The following ABR variants were observed in gnomAD, a reference collection of about 807,000 sequenced individuals.
The protein encoded by ABR is active breakpoint cluster region-related protein.
Under a neutral mutation model 107.2 loss-of-function variants are expected in ABR, and 35 were observed. The observed-to-expected ratio is 0.33, with a 90% CI of 0.25 to 0.43. ABR has a LOEUF of 0.43. ABR is among the 20% of genes least tolerant of loss of function. The probability of loss-of-function intolerance (pLI) is 1.00; values close to 1 mark genes in which losing one functional copy is unlikely to be tolerated. For synonymous variants in ABR, 498 were observed against 462.0 expected (o/e 1.08, Z -1.00); for missense variants, 815 against 1,115.2 (o/e 0.73, Z 3.83).
intron 11 of ABR, 91 bp from the exon 12 acceptor site, chr17:1,058,136 C>CTTTT (rs71148422): frequency 0.024 from 7,582 of 315,634 alleles, 132 homozygotes; most frequent in Non-Finnish European, 0.029. Flanking sequence ...CTCCTTTTAT[C>CTTTT]TTTTTTTTTT....
chr17:1,100,667 G>A lies in ABR; in HGVS notation c.315C>T (p.Ile105=). The A allele has an allele frequency of 2.5e-6, 4 of 1,614,172 alleles. No individual in the cohort carries two copies. The highest frequency in any genetic ancestry group is 3.4e-6 in the Non-Finnish European group (4 of 1,180,026). ...ACAGGGCTTCCAGCTGGTTAATGTA[G>A]ATCTCTTCGCTGGCCAAGAACCCCG... ...VLSGFLASEE[I]YINQLEALLL... is the part of the protein sequence containing the mutation. The change falls in exon 3 of 23, where the codon ATC becomes ATT. Residue 105 remains isoleucine, a synonymous_variant. Transcript: ENST00000302538.
upstream of ABR, among the ~76,000 whole-genome samples, chr17:1,180,217 G>T (rs980777092): frequency 2.0e-5 from 3 of 152,012 alleles, no homozygotes. Context: ...GGTCCCCCTC[G>T]TCCCCCCCGC....
chr17:1,166,765 C>T lies in ABR; in HGVS notation c.61+12902G>A, dbSNP rs191766292. Among the ~76,000 whole-genome samples the T allele has an allele frequency of 3.2e-4, 49 of 152,236 alleles. 1 individual carries two copies. The highest frequency in any genetic ancestry group is 9.6e-4 in the African/African-American group (40 of 41,550). On this transcript the variant is annotated intron_variant, in intron 1 of 22. Coordinates refer to ENST00000302538, the MANE Select transcript of ABR (RefSeq NM_021962.5). ...CTGTAATCCCAGCACTTTGGGAGGCCGAGGCGGGCGGATCACCTGAGGTCA... is the reference window on the plus strand; with the variant it reads ...CTGTAATCCCAGCACTTTGGGAGGCTGAGGCGGGCGGATCACCTGAGGTCA...
In ABR at chr17:1,010,300, C is replaced by A; in HGVS notation, c.2236+429G>T. The stretch of plus-strand genomic sequence containing the variant: ...AGGCGGAAGGCCTGCTGGCCGGGGC[C>A]CTCCGCAGAGGTGACGGGACGGTGT... On this transcript the variant is annotated intron_variant, in intron 20 of 22. Transcript: ENST00000302538. This position sits in a 1 kb window ranked among gnomAD's most constrained non-coding sequence, Gnocchi z 4.1. 4.4e-6 allele frequency: 1 copy of A among 227,684 alleles called. No homozygotes were observed. The highest frequency in any genetic ancestry group is 7.5e-5 in the South Asian group (1 of 13,302). The allele number at this position is 227,684 out of a possible 1,614,324, so 14.1% of individuals were successfully genotyped here.
intron 16 of ABR, among the ~76,000 whole-genome samples, chr17:1,049,791 G>A (rs566299749): frequency 8.5e-5 from 13 of 152,296 alleles, no homozygotes; most frequent in African/African-American, 2.6e-4. Flanking sequence ...TAAAGCTGGC[G>A]TGTGAAAACA....
chr17:1,228,027 T>C (rs1054806706), intron 1 of ABR: 5 of 152,120 alleles, frequency 3.3e-5, no homozygotes, highest in Non-Finnish European at 1.5e-5. Context: ...CCGGTGAAGG[T>C]CTCAGCTCAC....
chr17:1,160,344 C>CA (rs139759880), intron 1 of ABR, among the ~76,000 whole-genome samples: 2,388 of 152,058 alleles, frequency 0.016, 66 homozygotes, highest in African/African-American at 0.054. Flanking sequence ...GCCAGGCACT[C>CA]ACACATTATT....
chr17:1,044,428 T>C (rs936015565), intron 16 of ABR, among the ~76,000 whole-genome samples: 1 of 152,106 alleles, frequency 6.6e-6, no homozygotes, highest in South Asian at 2.1e-4. Context: ...GGTGGACAGA[T>C]CACCTGAGCT....
chr17:1,070,171 G>A lies in ABR; in HGVS notation c.895-81C>T. ...GAGCCTGCACACGGGGGCACGGCCA[G>A]CCAGGGAGGACTGGACCGAGAGGCG... is the stretch of plus-strand genomic sequence containing the variant. On this transcript the variant is annotated intron_variant, in intron 8 of 22. Coordinates refer to ENST00000302538, the MANE Select transcript of ABR (RefSeq NM_021962.5). The surrounding 1 kb of genome is among the most constrained non-coding windows in gnomAD (Gnocchi z 4.2). 1.9e-6 allele frequency: 3 copies of A among 1,572,630 alleles called. No individual in the cohort carries two copies. Among genetic ancestry groups the A allele is most frequent in the Non-Finnish European group, 2.6e-6 (3 of 1,153,710 alleles).
intron 1 of ABR, among the ~76,000 whole-genome samples, chr17:1,171,756 A>C (rs2041719360): frequency 6.6e-6 from 1 of 152,100 alleles, no homozygotes; most frequent in African/African-American, 2.4e-5. Flanking sequence ...ACATGGAGAA[A>C]TCCCTTCTCT....
At chr17:1,170,338 G>T (rs2041661498) in intron 1 of ABR, among the ~76,000 whole-genome samples, 1 of 152,214 alleles carries the variant, frequency 6.6e-6, no homozygotes, top group Admixed American at 6.5e-5. Context: ...AAGGGTAAGA[G>T]TGCGGGAGAA....
chr17:1,190,715 TTCTAGG>T (rs1362051896), upstream of ABR, among the ~76,000 whole-genome samples: 1 of 152,064 alleles, frequency 6.6e-6, no homozygotes, highest in Non-Finnish European at 1.5e-5. Flanking sequence ...AGAAAGCAGT[TTCTAGG>T]TGGGTGCCCG....
At position 1,150,497 on chromosome 17, in the gene ABR, G is replaced by A. The variant is rs1169483356; in HGVS notation, c.62-25130C>T. On this transcript the variant is annotated intron_variant, in intron 1 of 22. Coordinates refer to ENST00000302538, the MANE Select transcript of ABR (RefSeq NM_021962.5). This position sits in a 1 kb window ranked among gnomAD's most constrained non-coding sequence, Gnocchi z 4.8. ...CCAGGAGCTGCAAGCAGCGGCACAC[G>A]TGTGGGCAATACACAGGTTGCCCAA... 2.0e-5 allele frequency among the ~76,000 whole-genome samples: 3 copies of A among 152,154 alleles called. No homozygotes were observed. The highest frequency in any genetic ancestry group is 7.2e-5 in the African/African-American group (3 of 41,436).
chr17:1,049,260 T>C (rs974375697), intron 16 of ABR, among the ~76,000 whole-genome samples: 2 of 152,076 alleles, frequency 1.3e-5, no homozygotes, highest in South Asian at 2.1e-4. Flanking sequence ...CTCTACCTCC[T>C]GGGTTCAAGC....
At chr17:1,022,910 G>A (rs1208917456) in intron 16 of ABR, among the ~76,000 whole-genome samples, 1 of 152,274 alleles carries the variant, frequency 6.6e-6, no homozygotes, top group Non-Finnish European at 1.5e-5. Context: ...TCTGAACGAC[G>A]CTTTTGTCCA....
upstream of ABR, among the ~76,000 whole-genome samples, chr17:1,183,062 T>C (rs1267082453): frequency 6.6e-6 from 1 of 152,068 alleles, no homozygotes; most frequent in African/African-American, 2.4e-5. Context: ...AAAGAGTCCT[T>C]CTCCTCCGGG....
intron 6 of ABR, chr17:1,079,039 G>C (rs2035983371): frequency 6.9e-7 from 1 of 1,440,674 alleles, no homozygotes; most frequent in Non-Finnish European, 9.1e-7. Context: ...GGCGAGGAGA[G>C]GAGGGAAGGG....
At chr17:1,132,482 G>A (rs184819389) in intron 1 of ABR, among the ~76,000 whole-genome samples, 21 of 149,542 alleles carry the variant, frequency 1.4e-4, no homozygotes, top group African/African-American at 2.7e-4. Flanking sequence ...AGGTTCAAGC[G>A]ATTCTCCCGT....
intron 1 of ABR, among the ~76,000 whole-genome samples, chr17:1,171,439 C>T (rs1412226449): frequency 6.6e-6 from 1 of 152,170 alleles, no homozygotes; most frequent in African/African-American, 2.4e-5. Flanking sequence ...ACCGATGCCC[C>T]GGGGAGTCCA....
Sources: gnomAD v4.1 joint callset for allele counts (sites outside exome capture counted in the v4.1 genomes callset) on GRCh38, gnomAD v4.1.1 for gene constraint, Gnocchi (gnomAD v3.1) non-coding constraint, MANE v1.5 for transcripts, NCBI Gene and HGNC (gene_info 2026-07-23, HGNC 2026-07-21) for gene names.